NAV1: variants seen among roughly 807,000 people sequenced by gnomAD.
NAV1 encodes neuron navigator 1, also known as pore membrane and/or filament interacting like protein 3.
In NAV1, 18 loss-of-function variants were observed where a neutral mutation model predicts 175.2. The observed-to-expected ratio is 0.10, with a 90% CI of 0.07 to 0.15. NAV1 has a LOEUF of 0.15. NAV1 is among the 10% of genes least tolerant of loss of function. NAV1 has a pLI of 1.00. For synonymous variants in NAV1, 897 were observed against 978.7 expected, an observed-to-expected ratio of 0.92 and a Z score of 1.56; for missense variants, 1,731 against 2,436.6, an observed-to-expected ratio of 0.71 and a Z score of 6.10.
intron 2 of NAV1, among the ~76,000 whole-genome samples, chr1:201,601,018 T>A (rs1034916283): frequency 6.6e-6 from 1 of 152,204 alleles, no homozygotes. Flanking sequence ...TGGCTTCTGG[T>A]CAGAGACAGA....
intron 3 of NAV1, among the ~76,000 whole-genome samples, chr1:201,775,310 C>T (rs1675863288): frequency 1.3e-5 from 2 of 152,206 alleles, no homozygotes; most frequent in Non-Finnish European, 2.9e-5. Flanking sequence ...ATGTTGAAAG[C>T]TCCAGGCTCT....
intron 1 of NAV1, among the ~76,000 whole-genome samples, chr1:201,566,423 T>TA (rs1447610668): frequency 6.6e-6 from 1 of 152,126 alleles, no homozygotes; most frequent in Non-Finnish European, 1.5e-5. Context: ...CCTCAGCCGT[T>TA]ACAGGCCTTT....
intron 3 of NAV1, among the ~76,000 whole-genome samples, chr1:201,766,944 C>G (rs888300025): frequency 5.9e-5 from 9 of 151,840 alleles, no homozygotes; most frequent in African/African-American, 1.9e-4. Context: ...GCCTCAGCCT[C>G]CCGAGTAGCT....
At chr1:201,698,835 AG>A (rs1671292902) in intron 1 of NAV1, among the ~76,000 whole-genome samples, 1 of 152,220 alleles carries the variant, frequency 6.6e-6, no homozygotes, top group Non-Finnish European at 1.5e-5. Flanking sequence ...AAATGACAAA[AG>A]CCTGCCCTTA....
In NAV1 at chr1:201,549,097, TTC is replaced by T. The variant is rs1298715002; in HGVS notation, c.-144+9757_-144+9758del. ...GTTTTCTCTTTCTTTCTTTCTTTCT[TTC>T]TTTCTTTCTTTCTTTCTTTCTTTCT... On this transcript the variant is annotated intron_variant, in intron 1 of 33. Coordinates refer to the NAV1 transcript ENST00000685211. 5.0e-5 allele frequency among the ~76,000 whole-genome samples: 7 copies of T among 141,198 alleles called. No individual in the cohort carries two copies. The East Asian group carries it at 1.2e-3, about 24-fold the overall frequency. The allele number at this position is 141,198 out of a possible 152,430, so 92.6% of individuals were successfully genotyped here. A position where few individuals can be genotyped will look rare whatever the true frequency, so the allele number is the denominator to read the frequency against.
intron 3 of NAV1, among the ~76,000 whole-genome samples, chr1:201,734,510 G>GAAGAAGAAGAAC (rs1673022824): frequency 6.6e-6 from 1 of 151,156 alleles, no homozygotes; most frequent in East Asian, 1.9e-4. Context: ...AGAAGAAGAA[G>GAAGAAGAAGAAC]AAGAAGAAGA....
chr1:201,732,700 C>G (rs747032120), intron 3 of NAV1, among the ~76,000 whole-genome samples: 2 of 152,238 alleles, frequency 1.3e-5, no homozygotes, highest in Non-Finnish European at 2.9e-5. Context: ...TCCACAAACA[C>G]TTGTAGACCA....
intron 3 of NAV1, among the ~76,000 whole-genome samples, chr1:201,772,140 G>A (rs1675628137): frequency 6.6e-6 from 1 of 152,190 alleles, no homozygotes. Context: ...AAGATGTGTG[G>A]ACATAACTAT....
Position 201,768,641 on chromosome 1 carries a change from TA to T in NAV1, c.1227-11761del, listed in dbSNP as rs71281169. Among the ~76,000 whole-genome samples the T allele has an allele frequency of 5.2e-3, 598 of 114,160 alleles. 4 individuals carry two copies. The Middle Eastern group carries it at 0.08, about 15-fold the overall frequency. The allele number at this position is 114,160 out of a possible 152,430, so 74.9% of individuals were successfully genotyped here. On this transcript the variant is annotated intron_variant, in intron 3 of 29. Transcript: ENST00000367296. Reference sequence around the variant, plus strand: ...TGACAAGGTGAGATCTTGTCTCAATTAAAAAAAAAAAAAAAAAAAGAGTTTA... The same window carrying T: ...TGACAAGGTGAGATCTTGTCTCAATTAAAAAAAAAAAAAAAAAAGAGTTTA...
rs538035146 is a variant in NAV1 at position 201,614,373 on chromosome 1, C to T, written c.-32-8480C>T. On this transcript the variant is annotated intron_variant, in intron 2 of 33. Transcript: ENST00000685211. ...GCCGCCGCCCAGTGTGCCCCCAACC[C>T]CGGCAGCTGCTGCGGGCGCCTCAAG... Among the ~76,000 whole-genome samples, 7 of 152,350 alleles carry T rather than the reference C, an allele frequency of 4.6e-5. No homozygotes were observed. The East Asian group carries it at 1.3e-3, about 29-fold the overall frequency.
chr1:201,662,617 C>T (rs763506401), intron 1 of NAV1, among the ~76,000 whole-genome samples: 18 of 152,316 alleles, frequency 1.2e-4, no homozygotes, highest in Non-Finnish European at 2.4e-4. Context: ...CTTGTACCCA[C>T]AGCAGGGGGG....
intron 29 of NAV1, 88 bp downstream of exon 33, chr1:201,817,373 C>A: frequency 8.0e-7 from 1 of 1,245,194 alleles, no homozygotes. Context: ...GTAATCCCAG[C>A]ACTTTGAGAG....
In NAV1 at chr1:201,808,532, G is replaced by T. The variant is rs776344209; in HGVS notation, c.3960G>T (p.Lys1320Asn). The T allele has an allele frequency of 1.9e-6, 3 of 1,614,244 alleles. No individual in the cohort carries two copies. The highest frequency in any genetic ancestry group is 2.5e-6 in the Non-Finnish European group (3 of 1,180,046). Reference sequence around the variant, plus strand: ...CTGAGCTATGGGAGAAGGAAATGAAGCTTACAGACATCCGCTTGGAGGCCC... The same window carrying T: ...CTGAGCTATGGGAGAAGGAAATGAATCTTACAGACATCCGCTTGGAGGCCC... The change falls in exon 19 of 30, where the codon AAG becomes AAT. Residue 1320 changes from lysine to asparagine, a missense_variant. Coordinates refer to ENST00000367296, the Ensembl canonical transcript of NAV1. This position sits in a 1 kb window ranked among gnomAD's most constrained non-coding sequence, Gnocchi z 5.5.
exon 1 of NAV1, chr1:201,649,056 C>G (rs768023898): frequency 1.2e-6 from 2 of 1,613,476 alleles, no homozygotes; most frequent in Non-Finnish European, 1.7e-6. Context: ...GTCCAAGGGC[C>G]GTGAAGCTCC....
rs1321322188 is a variant in NAV1 at position 201,787,363 on chromosome 1, A to G, written c.2995+786A>G. On this transcript the variant is annotated intron_variant, in intron 9 of 29. Transcript: ENST00000367296. This position sits in a 1 kb window ranked among gnomAD's most constrained non-coding sequence, Gnocchi z 4.3. ...TCAGCTGAGTAAAAGAAATCAGTTAATAAAAGACAAGGACCTGTAACACAC... is the reference window on the plus strand; with the variant it reads ...TCAGCTGAGTAAAAGAAATCAGTTAGTAAAAGACAAGGACCTGTAACACAC... 6.6e-6 allele frequency among the ~76,000 whole-genome samples: 1 copy of G among 152,208 alleles called. No homozygotes were observed.
intron 1 of NAV1, among the ~76,000 whole-genome samples, chr1:201,712,283 T>G (rs908763584): frequency 5.3e-5 from 8 of 152,218 alleles, no homozygotes; most frequent in Non-Finnish European, 1.0e-4. Context: ...TTAGCCCCTC[T>G]TCCTAACTCT....
intron 1 of NAV1, among the ~76,000 whole-genome samples, chr1:201,555,416 C>G (rs1665982196): frequency 6.6e-6 from 1 of 152,140 alleles, no homozygotes. Flanking sequence ...AATGTCTTCC[C>G]TAGATGTAAA....
intron 3 of NAV1, among the ~76,000 whole-genome samples, chr1:201,731,459 G>C (rs1672856842): frequency 6.6e-6 from 1 of 152,146 alleles, no homozygotes; most frequent in African/African-American, 2.4e-5. Context: ...GAGTGACCCA[G>C]AGCAGGGCGA....
intron 3 of NAV1, chr1:201,724,247 A>G (rs759645896): frequency 1.3e-5 from 2 of 152,220 alleles, no homozygotes; most frequent in East Asian, 1.9e-4. Context: ...TAAAAATAGG[A>G]AAGTCTGGAA....
Sources: gnomAD v4.1 joint callset for allele counts (sites outside exome capture counted in the v4.1 genomes callset) on GRCh38, gnomAD v4.1.1 for gene constraint, Gnocchi (gnomAD v3.1) non-coding constraint, MANE v1.5 for transcripts, NCBI Gene and HGNC (gene_info 2026-07-23, HGNC 2026-07-21) for gene names.